The following ANKRD44 variants were observed in gnomAD, a reference collection of about 807,000 sequenced individuals.
The protein encoded by ANKRD44 is ankyrin repeat domain 44.
Under a neutral mutation model 116.0 loss-of-function variants are expected in ANKRD44, and 35 were observed. That is an observed-to-expected ratio of 0.30 (90% CI 0.23 to 0.40). The LOEUF is 0.40. ANKRD44 is among the 10% of genes least tolerant of loss of function. The probability of loss-of-function intolerance (pLI) is 1.00; values close to 1 mark genes in which losing one functional copy is unlikely to be tolerated. For missense variants in ANKRD44, 1,014 were observed against 1,242.6 expected, an observed-to-expected ratio of 0.82 and a Z score of 2.77; for synonymous variants, 435 against 461.8, an observed-to-expected ratio of 0.94 and a Z score of 0.74.
chr2:197,273,967 AAAAAAAAAAAAAAATATATATATAT>A (rs1405248576), intron 1 of ANKRD44, among the ~76,000 whole-genome samples: 4 of 16,496 alleles, frequency 2.4e-4, no homozygotes, highest in African/African-American at 5.7e-4. Flanking sequence ...CCACAAAAAA[AAAAAAAAAAAAAAATATATATATAT>A]ATATATATAT....
rs746947747 is a variant in ANKRD44 at position 196,998,391 on chromosome 2, A to G, written c.2694T>C (p.Asp898=). The G allele has an allele frequency of 1.2e-6, 2 of 1,613,998 alleles. No individual in the cohort carries two copies. The highest frequency in any genetic ancestry group is 1.7e-6 in the Non-Finnish European group (2 of 1,179,942). Residue 898 remains aspartate, a synonymous_variant, in exon 25 of 28, where the codon GAT becomes GAC. Coordinates refer to ENST00000282272, the MANE Select transcript of ANKRD44 (RefSeq NM_001195144.2). ...TCAAGTCCTTATCCTTTACAGTCAG[A>G]TCAGCCTGGGCACTGTTCACCAAAA... The part of the protein sequence containing the change: ...VDILVNSAQA[D]LTVKDKDLNT...
At chr2:197,287,712 G>A (rs1336315730) in intron 1 of ANKRD44, among the ~76,000 whole-genome samples, 1 of 152,062 alleles carries the variant, frequency 6.6e-6, no homozygotes. Context: ...AGCTAATTCA[G>A]GAATTAGCAA....
At chr2:197,042,975 G>A (rs973362943) in intron 16 of ANKRD44, among the ~76,000 whole-genome samples, 4 of 152,188 alleles carry the variant, frequency 2.6e-5, no homozygotes, top group Non-Finnish European at 4.4e-5. Context: ...ATGTGGGTGT[G>A]TCTATGGCTC....
Position 197,121,323 on chromosome 2 carries a change from G to A in ANKRD44, c.906+9C>T. On this transcript the variant is annotated intron_variant, in intron 8 of 27. Transcript: ENST00000282272. The stretch of plus-strand genomic sequence containing the variant: ...AAGGCATTCAACACAGAGACTAAGA[G>A]TGTCATACCTGAATGTTAACATCTG... 6.2e-7 allele frequency: 1 copy of A among 1,611,826 alleles called. No individual in the cohort carries two copies. The highest frequency in any genetic ancestry group is 8.5e-7 in the Non-Finnish European group (1 of 1,177,926).
chr2:197,015,012 A>C, intron 17 of ANKRD44: 1 of 202,646 alleles, frequency 4.9e-6, no homozygotes, highest in Non-Finnish European at 1.0e-5. Context: ...AAAATTGTTT[A>C]TTGGTGGCCT....
intron 21 of ANKRD44, among the ~76,000 whole-genome samples, chr2:197,005,030 C>A (rs2076177825): frequency 6.6e-6 from 1 of 151,932 alleles, no homozygotes; most frequent in South Asian, 2.1e-4. Flanking sequence ...TTCTATAATT[C>A]CAGTTTCAAA....
In ANKRD44 at chr2:197,191,292, CT is replaced by C. The variant is rs1409439879; in HGVS notation, c.28-4187del. On this transcript the variant is annotated intron_variant, in intron 1 of 27. Coordinates refer to ENST00000282272, the MANE Select transcript of ANKRD44 (RefSeq NM_001195144.2). ...TTCAAAATCACCAACAACTAGCCCC[CT>C]ACTACCTTTCCAGGAGTGTTGACGG... is the stretch of plus-strand genomic sequence containing the variant. 3.3e-5 allele frequency among the ~76,000 whole-genome samples: 5 copies of C among 152,318 alleles called. No individual in the cohort carries two copies. The South Asian group carries it at 8.3e-4, about 25-fold the overall frequency.
At position 196,989,518 on chromosome 2, in the gene ANKRD44, ACACACATATATATATATATACACACG is replaced by A; in HGVS notation, c.*47_*72del. The stretch of plus-strand genomic sequence containing the variant: ...TAGCTGGCTGATGAACTACACACAC[ACACACATATATATATATATACACACG>A]CACACATATATGTGTGCATGTGTAT... On this transcript the variant is annotated 3_prime_UTR_variant, in exon 28 of 28. Coordinates refer to ENST00000282272, the MANE Select transcript of ANKRD44 (RefSeq NM_001195144.2). The A allele has an allele frequency of 6.8e-7, 1 of 1,478,572 alleles. No homozygotes were observed. The highest frequency in any genetic ancestry group is 9.0e-7 in the Non-Finnish European group (1 of 1,110,838). The allele number at this position is 1,478,572 out of a possible 1,614,324, so 91.6% of individuals were successfully genotyped here.
chr2:197,062,811 A>G (rs2077345026), intron 16 of ANKRD44, among the ~76,000 whole-genome samples: 1 of 152,222 alleles, frequency 6.6e-6, no homozygotes, highest in South Asian at 2.1e-4. Flanking sequence ...AGGTAAACAA[A>G]ACAGCCAGGA....
chr2:197,251,059 T>C (rs539345801), intron 1 of ANKRD44: 1 of 152,352 alleles, frequency 6.6e-6, no homozygotes, highest in East Asian at 1.9e-4. Flanking sequence ...ATTTTATTTA[T>C]TAACAATATA....
intron 1 of ANKRD44, among the ~76,000 whole-genome samples, chr2:197,265,129 T>G (rs993563099): frequency 1.3e-5 from 2 of 151,940 alleles, no homozygotes; most frequent in African/African-American, 4.8e-5. Flanking sequence ...AAAATTCAAA[T>G]AAGTGCAAAG....
rs143212601 is a variant in ANKRD44, at chr2:196,972,619, G to C, written c.2369-5173C>G. Among the ~76,000 whole-genome samples, 616 of 152,332 alleles carry C rather than the reference G, an allele frequency of 4.0e-3. 5 individuals are homozygous for C. Among genetic ancestry groups the C allele is most frequent in the African/African-American group, 0.014 (593 of 41,574 alleles). On this transcript the variant is annotated intron_variant, in intron 21 of 21. Transcript: ENST00000424317. ...ATTTTTAGCTTGAATTTACAGCAAAGTTTAAGTATATAATAGCTGATATGC... is the reference window on the plus strand; with the variant it reads ...ATTTTTAGCTTGAATTTACAGCAAACTTTAAGTATATAATAGCTGATATGC...
chr2:196,992,825 A>G (rs1440484759), intron 27 of ANKRD44: 2 of 152,690 alleles, frequency 1.3e-5, no homozygotes, highest in Non-Finnish European at 2.9e-5. Context: ...TAAGCAGTTA[A>G]TTGAGTTACA....
chr2:197,168,906 T>A (rs543220586), intron 2 of ANKRD44, among the ~76,000 whole-genome samples: 86 of 152,288 alleles, frequency 5.6e-4, no homozygotes, highest in African/African-American at 2.0e-3. Flanking sequence ...TGACCCCAAC[T>A]ATGGTCTTCC....
chr2:197,121,660 TTG>T (rs1209879389), intron 7 of ANKRD44, 116 bp from the exon 8 acceptor site: 9 of 872,588 alleles, frequency 1.0e-5, no homozygotes. Flanking sequence ...GCCAATATAA[TTG>T]TTCAGAGCTT....
chr2:197,198,032 C>T (rs890525489), intron 1 of ANKRD44: 10 of 152,212 alleles, frequency 6.6e-5, no homozygotes, highest in African/African-American at 2.4e-4. Flanking sequence ...AAGACGCAGC[C>T]TCTGAAATGA....
At chr2:197,304,539 T>G (rs1244298204) in intron 1 of ANKRD44, among the ~76,000 whole-genome samples, 2 of 152,118 alleles carry the variant, frequency 1.3e-5, no homozygotes, top group Non-Finnish European at 2.9e-5. Flanking sequence ...ACAAACCATG[T>G]GAAGAGCATC....
chr2:197,294,139 A>G (rs915180111), intron 1 of ANKRD44, among the ~76,000 whole-genome samples: 1 of 152,138 alleles, frequency 6.6e-6, no homozygotes, highest in African/African-American at 2.4e-5. Context: ...ACAATTTATA[A>G]TATTGTTCAG....
Position 197,293,424 on chromosome 2 carries a change from T to G in ANKRD44, c.27+17154A>C, listed in dbSNP as rs192504610. Among the ~76,000 whole-genome samples the G allele has an allele frequency of 2.0e-5, 3 of 152,278 alleles. No homozygotes were observed. The East Asian group carries it at 5.8e-4, about 29-fold the overall frequency. On this transcript the variant is annotated intron_variant, in intron 1 of 27. Coordinates refer to ENST00000282272, the MANE Select transcript of ANKRD44 (RefSeq NM_001195144.2). ...GCTAAAAATGGACTGAAACCAGAAG[T>G]GAGAGCCTCAATGAAGAAACTTTCC...
Sources: gnomAD v4.1 joint callset for allele counts (sites outside exome capture counted in the v4.1 genomes callset) on GRCh38, gnomAD v4.1.1 for gene constraint, MANE v1.5 for transcripts, NCBI Gene and HGNC (gene_info 2026-07-23, HGNC 2026-07-21) for gene names.